USP44: variants seen among roughly 807,000 people sequenced by gnomAD.
USP44 encodes the protein ubiquitin specific peptidase 44, also known as ubiquitin carboxyl-terminal hydrolase 44.
Under a neutral mutation model 69.0 loss-of-function variants are expected in USP44, and 61 were observed. That is an observed-to-expected ratio of 0.88 (90% CI 0.72 to 1.09). The LOEUF (loss-of-function observed/expected upper bound fraction) is 1.09, where lower values mean the gene tolerates loss of function less well. USP44 is among the 50% of genes least tolerant of loss of function. The pLI is 0.00. For synonymous variants in USP44, 297 were observed against 295.4 expected (o/e 1.01, Z -0.06); for missense variants, 753 against 849.9 (o/e 0.89, Z 1.42).
intron 1 of USP44, 119 bp from the exon 2 acceptor site, chr12:95,534,445 C>T: frequency 1.8e-6 from 1 of 552,322 alleles, no homozygotes; most frequent in Non-Finnish European, 3.1e-6. Context: ...ATCATAATAC[C>T]ATTGGCAGTT....
chr12:95,530,592 AATAC>A (rs2076985193), intron 2 of USP44, among the ~76,000 whole-genome samples: 1 of 152,168 alleles, frequency 6.6e-6, no homozygotes, highest in South Asian at 2.1e-4. Flanking sequence ...TTAATTTGAA[AATAC>A]ATTTATAAAG....
At position 95,517,002 on chromosome 12, in the gene USP44, G is replaced by A. The variant is rs2076491235; in HGVS notation, c.*1152C>T. 6.6e-6 allele frequency: 1 copy of A among 151,580 alleles called. No individual in the cohort carries two copies. The highest frequency in any genetic ancestry group is 2.4e-5 in the African/African-American group (1 of 41,196). The allele number at this position is 151,580 out of a possible 1,614,324, so 9.4% of individuals were successfully genotyped here. A position where few individuals can be genotyped will look rare whatever the true frequency, so the allele number is the denominator to read the frequency against. On this transcript the variant is annotated 3_prime_UTR_variant, in exon 6 of 6. Coordinates refer to ENST00000258499, the MANE Select transcript of USP44 (RefSeq NM_032147.5). ...AAATAAGATAAAGTTAGCAGCAACA[G>A]GACTTTAAAGAAACCCAGTGAGATT... is the stretch of plus-strand genomic sequence containing the variant.
At chr12:95,527,976 T>C (rs2076904131) in intron 3 of USP44, among the ~76,000 whole-genome samples, 3 of 151,868 alleles carry the variant, frequency 2.0e-5, no homozygotes, top group Admixed American at 6.6e-5. Flanking sequence ...GTAGCTGGGA[T>C]TACAAGTGCG....
intron 1 of USP44, among the ~76,000 whole-genome samples, chr12:95,549,428 C>G (rs1338675330): frequency 6.6e-6 from 1 of 151,872 alleles, no homozygotes; most frequent in Non-Finnish European, 1.5e-5. Context: ...AAGTACATAC[C>G]GAAAAGGAAA....
rs551216920 is a variant in USP44, at chr12:95,519,721, C to T, written c.1939+1276G>A. On this transcript the variant is annotated intron_variant, in intron 5 of 5. Coordinates refer to ENST00000258499, the MANE Select transcript of USP44 (RefSeq NM_032147.5). The stretch of plus-strand genomic sequence containing the variant: ...TGCTGGGATTACAAGCGTGAGCCAC[C>T]GCGCCCGGCCCTCAATCTGTATTAA... 7.6e-3 allele frequency among the ~76,000 whole-genome samples: 1,151 copies of T among 150,542 alleles called. 6 individuals are homozygous for T. The highest frequency in any genetic ancestry group is 0.041 in the Middle Eastern group (12 of 290).
intron 1 of USP44, among the ~76,000 whole-genome samples, chr12:95,539,635 T>C (rs150865971): frequency 1.1e-4 from 17 of 152,338 alleles, no homozygotes; most frequent in African/African-American, 2.9e-4. Flanking sequence ...AAAAAGACAA[T>C]AAAACATTTA....
At chr12:95,536,339 A>G (rs977196579) in intron 1 of USP44, among the ~76,000 whole-genome samples, 1 of 152,000 alleles carries the variant, frequency 6.6e-6, no homozygotes, top group Non-Finnish European at 1.5e-5. Context: ...CACCGTGCCC[A>G]GCCCCCATTT....
intron 1 of USP44, among the ~76,000 whole-genome samples, chr12:95,537,135 C>T (rs538866383): frequency 1.3e-5 from 2 of 152,208 alleles, no homozygotes; most frequent in East Asian, 3.9e-4. Flanking sequence ...AGGAGTATAG[C>T]AGTTTTGAAG....
intron 1 of USP44, among the ~76,000 whole-genome samples, chr12:95,537,941 T>C (rs1445417263): frequency 6.6e-6 from 1 of 152,148 alleles, no homozygotes; most frequent in Non-Finnish European, 1.5e-5. Flanking sequence ...GCAAATAAAT[T>C]CCCTTGAATA....
chr12:95,532,847 A>C lies in USP44; in HGVS notation c.1410T>G (p.His470Gln). The C allele has an allele frequency of 6.3e-7, 1 of 1,585,400 alleles. No individual in the cohort carries two copies. Among genetic ancestry groups the C allele is most frequent in the Non-Finnish European group, 8.6e-7 (1 of 1,168,756 alleles). Residue 470 changes from histidine (H) to glutamine (Q), a missense_variant, in exon 2 of 6, where the codon CAT (histidine) becomes CAG (glutamine). Coordinates refer to ENST00000258499, the MANE Select transcript of USP44 (RefSeq NM_032147.5). ...TCCATACCTGACTAAGAAGTTGTCC[A>C]TGAAAAATGTTATTTACAACATTCA... ...QVLNVVNNIF[H>Q]GQLLSQVTCL...
rs1260207088 is a variant in USP44, at chr12:95,518,314, C to T, written c.1979G>A (p.Cys660Tyr). 3 of 1,614,114 alleles carry T rather than the reference C, an allele frequency of 1.9e-6. No homozygotes were observed. ...VHCNDSKLSM[C>Y]TMDEVCKAQA... ...AGCCTTGCATACTTCATCCATAGTG[C>T]ACATGCTTAGTTTGGAATCATTGCA... Residue 660 changes from cysteine to tyrosine, a missense_variant, in exon 6 of 6, where the codon TGC becomes TAC. Transcript: ENST00000258499.
chr12:95,541,386 T>G (rs2077384492), intron 1 of USP44, among the ~76,000 whole-genome samples: 1 of 151,522 alleles, frequency 6.6e-6, no homozygotes, highest in Admixed American at 6.6e-5. Flanking sequence ...AGCTCAGGAG[T>G]TCAAGAGCAG....
chr12:95,534,641 CCA>C (rs2077139601), intron 1 of USP44, among the ~76,000 whole-genome samples: 2 of 151,320 alleles, frequency 1.3e-5, no homozygotes, highest in South Asian at 4.2e-4. Context: ...CCTTTTTTAC[CCA>C]GTAGTCTGAG....
intron 5 of USP44, among the ~76,000 whole-genome samples, chr12:95,519,761 C>T (rs537284680): frequency 9.8e-5 from 14 of 143,186 alleles, no homozygotes; most frequent in Non-Finnish European, 1.8e-4. Flanking sequence ...CAAATTGGGT[C>T]GGGCATGGTG....
intron 5 of USP44, among the ~76,000 whole-genome samples, chr12:95,520,248 T>C (rs2076616639): frequency 6.6e-6 from 1 of 151,730 alleles, no homozygotes; most frequent in Non-Finnish European, 1.5e-5. Context: ...ATCCCACCAC[T>C]TTGGGAGGCC....
At chr12:95,532,754 C>T (rs187950864) in intron 2 of USP44, 75 bp downstream of exon 2, 6 of 1,281,442 alleles carry the variant, frequency 4.7e-6, no homozygotes, top group Non-Finnish European at 6.4e-6. Flanking sequence ...ACTAGATGTA[C>T]ATAGAATATG....
chr12:95,551,155 CTATT>C (rs984753326), intron 1 of USP44, 113 bp downstream of exon 1: 13 of 151,894 alleles, frequency 8.6e-5, no homozygotes, highest in Non-Finnish European at 1.6e-4. Context: ...TTAAATTTTC[CTATT>C]TGTTTTTTAA....
At chr12:95,539,232 GT>G (rs778907876) in intron 1 of USP44, among the ~76,000 whole-genome samples, 174 of 124,332 alleles carry the variant, frequency 1.4e-3, no homozygotes, top group African/African-American at 4.7e-3. Context: ...TTTTTTTTTT[GT>G]TTTTTTTTTT....
chr12:95,544,256 T>C (rs1198387224), intron 1 of USP44, among the ~76,000 whole-genome samples: 8 of 151,816 alleles, frequency 5.3e-5, no homozygotes, highest in Non-Finnish European at 1.0e-4. Flanking sequence ...AGGGTTTCAC[T>C]GTGTTAGCCA....
Sources: gnomAD v4.1 joint callset for allele counts (sites outside exome capture counted in the v4.1 genomes callset) on GRCh38, gnomAD v4.1.1 for gene constraint, MANE v1.5 for transcripts, NCBI Gene and HGNC (gene_info 2026-07-23, HGNC 2026-07-21) for gene names.